Variants in KLHL13 observed in about 807,000 individuals in gnomAD.
KLHL13 encodes kelch like family member 13, also known as kelch-like protein 13.
Under a neutral mutation model 37.1 loss-of-function variants are expected in KLHL13, and 10 were observed. The observed-to-expected ratio is 0.27, with a 90% confidence interval of 0.17 to 0.46. The LOEUF (loss-of-function observed/expected upper bound fraction) is 0.46. KLHL13 is among the 20% of genes least tolerant of loss of function. The pLI, the probability that KLHL13 is intolerant of heterozygous loss-of-function variation, is 1.00. For missense variants in KLHL13, 360 were observed against 509.3 expected, an observed-to-expected ratio of 0.71 and a Z score of 2.82; for synonymous variants, 163 against 181.2, an observed-to-expected ratio of 0.90 and a Z score of 0.81.
At chrX:117,909,877 A>AACG in exon 5 of KLHL13, 1 of 1,137,110 alleles carries the variant, frequency 8.8e-7, no homozygotes. Context: ...AGGCGAAGCC[A>AACG]ACGACAGGTA....
rs143372110 is a variant in KLHL13 at position 118,069,888 on chromosome X, C to T, written c.-56+46620G>A. On this transcript the variant is annotated intron_variant, in intron 1 of 6. Coordinates refer to the KLHL13 transcript ENST00000371882. ...CATTCTCTTCTCACTGACTGACACC[C>T]ATAACAACTTTCAGTCCTGCAAGCT... Among the ~76,000 whole-genome samples, 91 of 111,799 alleles carry T rather than the reference C, an allele frequency of 8.1e-4. No individual in the cohort carries two copies. In the East Asian group the frequency reaches 9.3e-3, roughly 11 times the overall value.
chrX:117,938,537 G>A (rs764230941), intron 2 of KLHL13, among the ~76,000 whole-genome samples: 1 of 110,920 alleles, frequency 9.0e-6, no homozygotes, highest in Non-Finnish European at 1.9e-5. Context: ...AAGCCCTCCT[G>A]ATGATTCTGA....
chrX:117,933,443 G>A (rs1423624201), intron 2 of KLHL13, among the ~76,000 whole-genome samples: 1 of 111,068 alleles, frequency 9.0e-6, no homozygotes, highest in Non-Finnish European at 1.9e-5. Context: ...ATGGTGCCAG[G>A]AAAACTGGAT....
intron 1 of KLHL13, among the ~76,000 whole-genome samples, chrX:118,016,040 C>T (rs1475461894): frequency 8.9e-6 from 1 of 111,950 alleles, no homozygotes; most frequent in African/African-American, 3.2e-5. Flanking sequence ...AATAAAAGGA[C>T]TTATCTCCAA....
rs56692141 is a variant in KLHL13, at chrX:117,903,179, C to CGAGA, written c.1367-1237_1367-1234dup. On this transcript the variant is annotated intron_variant, in intron 5 of 6. Coordinates refer to ENST00000262820, the Ensembl canonical transcript of KLHL13. ...ACACAGAGAGAGAGAGAGAGGAGAGCGAGAGAGAGAGAGAGAGAGAGAGAG... is the reference window on the plus strand; with the variant it reads ...ACACAGAGAGAGAGAGAGAGGAGAGCGAGAGAGAGAGAGAGAGAGAGAGAGAGAG... 6.1e-3 allele frequency among the ~76,000 whole-genome samples: 566 copies of CGAGA among 92,288 alleles called. 5 individuals carry two copies. Among genetic ancestry groups the CGAGA allele is most frequent in the African/African-American group, 0.02 (484 of 23,969 alleles). 80.1% of individuals were successfully genotyped at this position (92,288 alleles called of 115,157 possible). A position where few individuals can be genotyped will look rare whatever the true frequency, so the allele number is the denominator to read the frequency against.
chrX:118,089,103 A>G (rs1297669499), intron 1 of KLHL13, among the ~76,000 whole-genome samples: 2 of 111,502 alleles, frequency 1.8e-5, no homozygotes, highest in Non-Finnish European at 3.8e-5. Context: ...GCTAAACACT[A>G]CAGAAAAAAA....
chrX:117,973,270 A>C, exon 1 of KLHL13: 1 of 970,574 alleles, frequency 1.0e-6, no homozygotes, highest in Non-Finnish European at 1.3e-6. Flanking sequence ...GCAAGAAAAA[A>C]CATAGATGGG....
intron 1 of KLHL13, among the ~76,000 whole-genome samples, chrX:118,052,117 A>C (rs2054620099): frequency 9.0e-6 from 1 of 111,545 alleles, no homozygotes; most frequent in African/African-American, 3.3e-5. Flanking sequence ...CTTCTCAAAA[A>C]ACACTTTAGG....
rs755644588 is a variant in KLHL13 at position 118,097,888 on chromosome X, G to A, written c.-56+18620C>T. ...ACTGGCTAGCCATATGTAGAAAGCT[G>A]AAACTGGATCCCTTCCTTACACCTT... On this transcript the variant is annotated intron_variant, in intron 1 of 6. Coordinates refer to the KLHL13 transcript ENST00000371882. 2.4e-4 allele frequency among the ~76,000 whole-genome samples: 27 copies of A among 111,733 alleles called. No individual in the cohort carries two copies. In the South Asian group the frequency reaches 9.8e-3, roughly 41 times the overall value.
chrX:118,048,692 A>T (rs1441507728), intron 1 of KLHL13, among the ~76,000 whole-genome samples: 1 of 111,703 alleles, frequency 9.0e-6, no homozygotes, highest in South Asian at 3.7e-4. Flanking sequence ...CATTTTTTTT[A>T]AAGAGCTTTC....
At position 117,957,777 on chromosome X, in the gene KLHL13, A is replaced by G. The variant is rs960925990; in HGVS notation, c.99-12202T>C. Among the ~76,000 whole-genome samples, 4 of 111,674 alleles carry G rather than the reference A, an allele frequency of 3.6e-5. No individual in the cohort carries two copies. In the Admixed American group the frequency reaches 3.8e-4, roughly 11 times the overall value. ...AGTCAGTGATTTCTTTTATCAAACT[A>G]TACACACAAAACACATTATCATTTA... On this transcript the variant is annotated intron_variant, in intron 1 of 6. Transcript: ENST00000262820.
intron 2 of KLHL13, among the ~76,000 whole-genome samples, chrX:117,930,245 GAA>G (rs1355090953): frequency 1.2e-3 from 70 of 58,423 alleles, no homozygotes; most frequent in African/African-American, 4.8e-3. Flanking sequence ...AGGAAGGGAG[GAA>G]GGAAGGAAGG....
chrX:118,058,000 A>G (rs146768106), intron 1 of KLHL13, among the ~76,000 whole-genome samples: 114 of 111,725 alleles, frequency 1.0e-3, no homozygotes, highest in African/African-American at 3.6e-3. Flanking sequence ...GAATACAAAG[A>G]GAAAGACAGG....
chrX:118,086,455 A>G (rs183127160), intron 1 of KLHL13, among the ~76,000 whole-genome samples: 1 of 111,902 alleles, frequency 8.9e-6, no homozygotes, highest in East Asian at 2.8e-4. Flanking sequence ...AACTTTGTGA[A>G]CATACTAAAA....
chrX:117,985,152 C>T (rs1248224292), intron 1 of KLHL13: 25 of 620,786 alleles, frequency 4.0e-5, no homozygotes, highest in Middle Eastern at 3.7e-4. Context: ...TTTTGTATAT[C>T]GCTTCACAGC....
intron 1 of KLHL13, among the ~76,000 whole-genome samples, chrX:118,026,685 A>G (rs2054277861): frequency 1.8e-5 from 2 of 112,017 alleles, no homozygotes; most frequent in Non-Finnish European, 3.8e-5. Context: ...TTTGCAAGGA[A>G]AAAATTAATC....
intron 1 of KLHL13, among the ~76,000 whole-genome samples, chrX:118,030,080 C>A: frequency 9.0e-6 from 1 of 110,958 alleles, no homozygotes. Flanking sequence ...CCTCTTCCAG[C>A]CCCTGAATTT....
chrX:118,038,208 T>G (rs188662802), intron 1 of KLHL13, among the ~76,000 whole-genome samples: 24 of 111,305 alleles, frequency 2.2e-4, no homozygotes, highest in African/African-American at 6.2e-4. Context: ...AGTGATGAGA[T>G]TGGGAAATGT....
chrX:118,037,512 C>A (rs1225679706), intron 1 of KLHL13, among the ~76,000 whole-genome samples: 1 of 103,044 alleles, frequency 9.7e-6, no homozygotes, highest in Admixed American at 1.1e-4. Context: ...CCAAACACCG[C>A]TTATTCTCAC....
Sources: gnomAD v4.1 joint callset for allele counts (sites outside exome capture counted in the v4.1 genomes callset) on GRCh38, gnomAD v4.1.1 for gene constraint, MANE v1.5 for transcripts, NCBI Gene and HGNC (gene_info 2026-07-23, HGNC 2026-07-21) for gene names.